The following CFAP36 variants were observed in gnomAD, a reference collection of about 807,000 sequenced individuals.
CFAP36 encodes cilia- and flagella-associated protein 36.
Under a neutral mutation model 50.5 loss-of-function variants are expected in CFAP36, and 37 were observed. That is an observed-to-expected ratio of 0.73 (90% CI 0.56 to 0.96). The LOEUF is 0.96. CFAP36 is among the 50% of genes least tolerant of loss of function. CFAP36 has a pLI of 0.00. For missense variants in CFAP36, 407 were observed against 396.2 expected (o/e 1.03, Z -0.23); for synonymous variants, 138 against 128.2 (o/e 1.08, Z -0.52).
chr2:55,529,491 A>G (rs757423706), intron 4 of CFAP36, among the ~76,000 whole-genome samples: 12 of 152,144 alleles, frequency 7.9e-5, no homozygotes, highest in African/African-American at 1.2e-4. Flanking sequence ...CCAGAATTCA[A>G]TGATACTTTG....
intron 1 of CFAP36, among the ~76,000 whole-genome samples, chr2:55,520,720 T>C (rs1684040028): frequency 6.6e-6 from 1 of 152,208 alleles, no homozygotes; most frequent in Non-Finnish European, 1.5e-5. Context: ...GTTATTGTGG[T>C]TGTTTAATCG....
Position 55,519,728 on chromosome 2 carries a change from C to T in CFAP36, c.-74C>T. On this transcript the variant is annotated 5_prime_UTR_variant, in exon 1 of 10. Transcript: ENST00000349456. ...CTCTTCCCCTACTCCCTCTCGGCTC[C>T]TTGTGGCCCAAAGGCCTAACCGGGG... The T allele has an allele frequency of 6.8e-7, 1 of 1,479,100 alleles. No individual in the cohort carries two copies. Among genetic ancestry groups the T allele is most frequent in the Admixed American group, 1.7e-5 (1 of 58,360 alleles). 91.6% of individuals were successfully genotyped at this position (1,479,100 alleles called of 1,614,324 possible).
At chr2:55,532,207 TAA>T (rs985180019) in intron 4 of CFAP36, among the ~76,000 whole-genome samples, 4 of 133,812 alleles carry the variant, frequency 3.0e-5, no homozygotes, top group Admixed American at 7.5e-5. Flanking sequence ...GTCTCAAAAT[TAA>T]AAAAAAAAAA....
chr2:55,543,872 C>A, intron 7 of CFAP36, 66 bp from the exon 8 acceptor site: 1 of 1,458,080 alleles, frequency 6.9e-7, no homozygotes, highest in Non-Finnish European at 9.5e-7. Flanking sequence ...TTTCGGTAAA[C>A]CTAGCCTAAC....
intron 6 of CFAP36, among the ~76,000 whole-genome samples, chr2:55,536,556 T>A (rs1210166273): frequency 2.6e-5 from 4 of 151,960 alleles, no homozygotes. Context: ...GTTCAAGTGA[T>A]TCTCCTGCCT....
chr2:55,543,873 C>A, intron 7 of CFAP36, 65 bp from the exon 8 acceptor site: 1 of 1,465,306 alleles, frequency 6.8e-7, no homozygotes, highest in East Asian at 2.3e-5. Context: ...TTCGGTAAAC[C>A]TAGCCTAACA....
chr2:55,539,786 C>T (rs1175378632), intron 7 of CFAP36, among the ~76,000 whole-genome samples: 1 of 152,168 alleles, frequency 6.6e-6, no homozygotes, highest in African/African-American at 2.4e-5. Context: ...TTGGTGTTGT[C>T]AGTGTTCTGG....
At chr2:55,520,428 A>G (rs1476141499) in intron 1 of CFAP36, 3 of 1,548,500 alleles carry the variant, frequency 1.9e-6, no homozygotes, top group East Asian at 2.5e-5. Flanking sequence ...AGGGCATGTG[A>G]TAACTCCAGG....
intron 3 of CFAP36, among the ~76,000 whole-genome samples, chr2:55,526,432 C>T (rs1359962115): frequency 1.3e-5 from 2 of 152,058 alleles, no homozygotes; most frequent in East Asian, 3.9e-4. Flanking sequence ...GAATAGAAAA[C>T]CTTTTTTGTT....
chr2:55,520,534 T>A, intron 1 of CFAP36: 1 of 1,386,922 alleles, frequency 7.2e-7, no homozygotes, highest in South Asian at 1.4e-5. Context: ...GCAGGACCAT[T>A]CTTGGAACAA....
rs376779681 is a variant in CFAP36, at chr2:55,522,128, T to C, written c.142T>C (p.Leu48=). The C allele has an allele frequency of 5.8e-6, 9 of 1,541,112 alleles. No homozygotes were observed. Among genetic ancestry groups the C allele is most frequent in the Non-Finnish European group, 8.0e-6 (9 of 1,128,066 alleles). ...TTTTGATGATGAAGAAGAAAGCAAA[T>C]TGACCTATACAGAGATTCATCAGGA... ...EVFDDEEESK[L]TYTEIHQEYK... Residue 48 remains leucine, a synonymous_variant, in exon 2 of 10, where the codon TTG becomes CTG. Transcript: ENST00000349456.
chr2:55,544,748 T>C (rs886883448), intron 9 of CFAP36, among the ~76,000 whole-genome samples, 159 bp from the exon 10 acceptor site: 7 of 152,126 alleles, frequency 4.6e-5, no homozygotes, highest in African/African-American at 2.4e-5. Flanking sequence ...AAGAAGAGAC[T>C]TTACGAAGAA....
Position 55,520,552 on chromosome 2 carries a change from G to C in CFAP36, c.115+636G>C, listed in dbSNP as rs1025884003. 1.3e-5 allele frequency: 15 copies of C among 1,151,510 alleles called. No individual in the cohort carries two copies. The East Asian group carries it at 3.7e-4, about 28-fold the overall frequency. 71.3% of individuals were successfully genotyped at this position (1,151,510 alleles called of 1,614,324 possible). ...GGACCATTCTTGGAACAAATGAGGC[G>C]TATAGATATGGCATAATATTCCCCG... On this transcript the variant is annotated intron_variant, in intron 1 of 9. Transcript: ENST00000349456.
At chr2:55,530,712 ATC>A (rs1416668916) in intron 4 of CFAP36, among the ~76,000 whole-genome samples, 3 of 152,062 alleles carry the variant, frequency 2.0e-5, no homozygotes, top group Admixed American at 2.0e-4. Context: ...CCAGATTATC[ATC>A]TCTGTTTCAA....
intron 3 of CFAP36, among the ~76,000 whole-genome samples, chr2:55,525,969 T>C (rs1201993731): frequency 6.6e-6 from 1 of 152,188 alleles, no homozygotes; most frequent in Non-Finnish European, 1.5e-5. Context: ...CCTTTGCTCA[T>C]GCTGTCCCTT....
At chr2:55,544,118 G>C in intron 8 of CFAP36, 44 bp downstream of exon 8, 1 of 1,609,486 alleles carries the variant, frequency 6.2e-7, no homozygotes, top group Non-Finnish European at 8.5e-7. Context: ...AAAATGACAA[G>C]GTACTGGGAA....
chr2:55,542,279 C>T (rs554683026), intron 7 of CFAP36, among the ~76,000 whole-genome samples: 2 of 152,258 alleles, frequency 1.3e-5, no homozygotes, highest in African/African-American at 2.4e-5. Context: ...TAATGGTACA[C>T]CATAAATGGT....
intron 7 of CFAP36, among the ~76,000 whole-genome samples, chr2:55,543,129 T>C (rs1450762316): frequency 6.6e-6 from 1 of 152,144 alleles, no homozygotes; most frequent in Non-Finnish European, 1.5e-5. Context: ...TAGACATGTG[T>C]GCCATGTTTT....
At chr2:55,538,913 C>A in intron 7 of CFAP36, 2 of 1,440,430 alleles carry the variant, frequency 1.4e-6, no homozygotes, top group Non-Finnish European at 9.1e-7. Context: ...TGATGTTTAC[C>A]CATTAATTTT....
Sources: allele counts gnomAD v4.1 joint callset (sites outside exome capture counted in the v4.1 genomes callset), GRCh38; gene constraint gnomAD v4.1.1; transcripts MANE v1.5; gene names NCBI Gene and HGNC (gene_info 2026-07-23, HGNC 2026-07-21).